RBFOX2: variants seen among roughly 807,000 people sequenced by gnomAD.
RBFOX2 encodes RNA binding protein fox-1 homolog 2.
In RBFOX2, 10 loss-of-function variants were observed where a neutral mutation model predicts 49.1. That is an observed-to-expected ratio of 0.20 (90% CI 0.13 to 0.35). The LOEUF (loss-of-function observed/expected upper bound fraction) is 0.35. Among genes scored for constraint, RBFOX2 ranks in the 10% least tolerant of loss-of-function variants. The probability of loss-of-function intolerance (pLI) is 1.00; values close to 1 mark genes in which losing one functional copy is unlikely to be tolerated. For synonymous variants in RBFOX2, 183 were observed against 187.4 expected, an observed-to-expected ratio of 0.98 and a Z score of 0.19; for missense variants, 323 against 486.9, an observed-to-expected ratio of 0.66 and a Z score of 3.17.
exon 12 of RBFOX2, chr22:35,739,916 A>T (rs1165576710): frequency 6.6e-6 from 1 of 152,646 alleles, no homozygotes; most frequent in Non-Finnish European, 1.5e-5. Flanking sequence ...AATCCCTGCC[A>T]ACCAGCACTA....
chr22:36,011,382 A>G (rs978102213), intron 1 of RBFOX2, among the ~76,000 whole-genome samples: 13 of 152,330 alleles, frequency 8.5e-5, no homozygotes, highest in South Asian at 2.1e-4. Context: ...ACACAGAATC[A>G]TATTATTTGA....
chr22:35,853,361 G>A (rs2149000869), intron 1 of RBFOX2, among the ~76,000 whole-genome samples: 1 of 151,494 alleles, frequency 6.6e-6, no homozygotes, highest in African/African-American at 2.4e-5. Flanking sequence ...TTCTATATTT[G>A]TAAATGAAAT....
At chr22:36,014,026 T>TA (rs2058936047) in intron 1 of RBFOX2, among the ~76,000 whole-genome samples, 1 of 148,018 alleles carries the variant, frequency 6.8e-6, no homozygotes, top group Non-Finnish European at 1.5e-5. Flanking sequence ...GTGTGATAGG[T>TA]TTTTTTTTTA....
intron 1 of RBFOX2, among the ~76,000 whole-genome samples, chr22:36,026,235 C>T (rs1357405612): frequency 6.6e-6 from 1 of 150,662 alleles, no homozygotes; most frequent in Non-Finnish European, 1.5e-5. Context: ...CGAGATCGTG[C>T]CATTGCACTC....
At chr22:35,822,448 T>G (rs1337700024) in intron 1 of RBFOX2, among the ~76,000 whole-genome samples, 1 of 152,182 alleles carries the variant, frequency 6.6e-6, no homozygotes, top group African/African-American at 2.4e-5. Context: ...TTCTTTTTGT[T>G]TTTTCTGGTC....
intron 1 of RBFOX2, among the ~76,000 whole-genome samples, chr22:35,830,083 G>C (rs563777885): frequency 2.6e-5 from 4 of 152,154 alleles, no homozygotes; most frequent in African/African-American, 9.7e-5. Flanking sequence ...ATAAGCATTA[G>C]GTTACAAGTG....
chr22:35,817,949 AAC>A (rs71322983), intron 1 of RBFOX2, among the ~76,000 whole-genome samples: 103,959 of 143,364 alleles, frequency 0.73, 38,371 homozygotes, highest in South Asian at 0.88. Context: ...ATCACTTGTC[AAC>A]ACACACACAC....
intron 1 of RBFOX2, among the ~76,000 whole-genome samples, chr22:35,862,379 G>GC (rs932198241): frequency 6.8e-6 from 1 of 146,702 alleles, no homozygotes; most frequent in African/African-American, 2.5e-5. Flanking sequence ...TTCTTTGGAG[G>GC]GGGGGGGGAA....
chr22:35,916,308 G>T (rs560745710), intron 1 of RBFOX2, among the ~76,000 whole-genome samples: 3 of 152,268 alleles, frequency 2.0e-5, no homozygotes, highest in African/African-American at 7.2e-5. Flanking sequence ...TTGTGACAGG[G>T]TCTCACTCTG....
At chr22:35,840,538 T>G in exon 1 of RBFOX2, 1 of 1,158,260 alleles carries the variant, frequency 8.6e-7, no homozygotes. Flanking sequence ...CCCCACCCCC[T>G]CCCAGCAGGC....
intron 1 of RBFOX2, among the ~76,000 whole-genome samples, chr22:35,932,487 T>A (rs560319797): frequency 3.9e-5 from 6 of 152,384 alleles, no homozygotes; most frequent in Admixed American, 3.9e-4. Context: ...ATGTTCCCAC[T>A]TGTTTCTGCT....
At chr22:35,839,423 G>T (rs942159624) in intron 1 of RBFOX2, among the ~76,000 whole-genome samples, 6 of 152,042 alleles carry the variant, frequency 3.9e-5, no homozygotes, top group Non-Finnish European at 8.8e-5. Context: ...GGGGGATTGA[G>T]GGGGTTGGGG....
intron 1 of RBFOX2, among the ~76,000 whole-genome samples, chr22:35,900,972 T>C (rs1018727504): frequency 1.3e-5 from 2 of 152,188 alleles, no homozygotes; most frequent in African/African-American, 4.8e-5. Context: ...GACAAAACAG[T>C]GAACATTCCT....
At chr22:35,935,695 T>C (rs532267112) in intron 1 of RBFOX2, among the ~76,000 whole-genome samples, 14 of 152,280 alleles carry the variant, frequency 9.2e-5, no homozygotes, top group African/African-American at 2.6e-4. Flanking sequence ...AATGAGTGAA[T>C]GGGCACATTC....
At chr22:35,884,806 T>C (rs1204323435) in intron 1 of RBFOX2, among the ~76,000 whole-genome samples, 1 of 152,186 alleles carries the variant, frequency 6.6e-6, no homozygotes, top group Non-Finnish European at 1.5e-5. Flanking sequence ...TATCACAGAC[T>C]AGCTGAATGT....
chr22:36,028,183 G>C, intron 1 of RBFOX2, 57 bp downstream of exon 1: 1 of 1,407,336 alleles, frequency 7.1e-7, no homozygotes, highest in Non-Finnish European at 9.2e-7. Flanking sequence ...GGGGAGCCCG[G>C]TGTCGACCCT....
At chr22:35,799,397 A>G (rs1949358612) in intron 2 of RBFOX2, among the ~76,000 whole-genome samples, 1 of 152,192 alleles carries the variant, frequency 6.6e-6, no homozygotes, top group African/African-American at 2.4e-5. Context: ...CCAACTGACT[A>G]TCAAAATAAG....
At chr22:35,993,644 G>A (rs1470543952) in intron 1 of RBFOX2, 1 of 152,172 alleles carries the variant, frequency 6.6e-6, no homozygotes, top group African/African-American at 2.4e-5. Flanking sequence ...TTTGTTGTTT[G>A]AAGCCAGTAA....
intron 1 of RBFOX2, among the ~76,000 whole-genome samples, chr22:35,958,732 C>A (rs1336055289): frequency 6.6e-6 from 1 of 152,064 alleles, no homozygotes; most frequent in Non-Finnish European, 1.5e-5. Flanking sequence ...TCAAACCTAC[C>A]GAGGATTTTT....
Sources: allele counts gnomAD v4.1 joint callset (sites outside exome capture counted in the v4.1 genomes callset), GRCh38; gene constraint gnomAD v4.1.1; transcripts MANE v1.5; gene names NCBI Gene and HGNC (gene_info 2026-07-23, HGNC 2026-07-21).